LIN28B: variants seen among roughly 807,000 people sequenced by gnomAD.
LIN28B encodes lin-28 RNA binding posttranscriptional regulator B, also known as protein lin-28 homolog B.
Under a neutral mutation model 21.9 loss-of-function variants are expected in LIN28B, and 5 were observed. The ratio of observed to expected loss-of-function variants is 0.23; its 90% confidence interval spans 0.12 to 0.48. LIN28B has a LOEUF of 0.48. Among genes scored for constraint, LIN28B ranks in the 20% least tolerant of loss-of-function variants. The pLI is 0.98. For missense variants in LIN28B, 245 were observed against 310.5 expected (o/e 0.79, Z 1.58); for synonymous variants, 109 against 111.3 (o/e 0.98, Z 0.13).
At chr6:104,976,872 T>C (rs1200617451) in intron 2 of LIN28B, among the ~76,000 whole-genome samples, 1 of 152,214 alleles carries the variant, frequency 6.6e-6, no homozygotes, top group East Asian at 1.9e-4. Context: ...GGCAGGCTTA[T>C]ACTTTTTGTT....
intron 2 of LIN28B, among the ~76,000 whole-genome samples, chr6:104,945,702 A>G (rs755250282): frequency 6.6e-6 from 1 of 152,082 alleles, no homozygotes; most frequent in African/African-American, 2.4e-5. Flanking sequence ...TCGATTACAT[A>G]AAGTTATTAT....
intron 2 of LIN28B, among the ~76,000 whole-genome samples, chr6:104,995,683 A>T (rs1332083269): frequency 1.3e-5 from 2 of 152,226 alleles, no homozygotes; most frequent in African/African-American, 4.8e-5. Context: ...AGAAAGATAT[A>T]AATGTTTAGA....
intron 2 of LIN28B, among the ~76,000 whole-genome samples, chr6:104,978,147 G>T (rs527789546): frequency 5.3e-5 from 8 of 152,270 alleles, no homozygotes; most frequent in African/African-American, 1.9e-4. Flanking sequence ...ATAGTTTTGG[G>T]CTACTGCCCC....
intron 3 of LIN28B, among the ~76,000 whole-genome samples, chr6:105,030,698 G>A (rs1041066716): frequency 3.4e-5 from 5 of 148,332 alleles, no homozygotes; most frequent in Non-Finnish European, 7.4e-5. Context: ...CTGGGTTCAA[G>A]CAATTCTCCT....
chr6:104,950,245 TTAAAC>T lies in LIN28B; in HGVS notation c.19-213_19-209del, dbSNP rs1778205364. On this transcript the variant is annotated intron_variant, in intron 2 of 5. Transcript: ENST00000635857. ...TGGTCTTAAATGTTGTAAATGTTCT[TTAAAC>T]TAGTGTCCTCTACTAGATATAAAAG... Among the ~76,000 whole-genome samples the T allele has an allele frequency of 2.0e-5, 3 of 152,170 alleles. No homozygotes were observed. In the South Asian group the frequency reaches 6.2e-4, roughly 31 times the overall value.
intron 2 of LIN28B, among the ~76,000 whole-genome samples, chr6:104,994,922 T>C (rs1488608395): frequency 6.6e-6 from 1 of 152,188 alleles, no homozygotes; most frequent in African/African-American, 2.4e-5. Flanking sequence ...TCTTGCTGTA[T>C]TGCAGACTGA....
At chr6:105,040,276 A>G (rs1210545693) in intron 3 of LIN28B, among the ~76,000 whole-genome samples, 2 of 152,106 alleles carry the variant, frequency 1.3e-5, no homozygotes, top group Non-Finnish European at 2.9e-5. Context: ...TTTATCAGTC[A>G]TACATAACTA....
chr6:104,947,282 G>A (rs535581227), intron 2 of LIN28B, among the ~76,000 whole-genome samples: 8 of 152,032 alleles, frequency 5.3e-5, no homozygotes, highest in Middle Eastern at 3.4e-3. Flanking sequence ...GCACGACCAC[G>A]CCTGGCTAAT....
At chr6:105,019,905 T>C (rs764159646) in intron 2 of LIN28B, among the ~76,000 whole-genome samples, 8 of 152,132 alleles carry the variant, frequency 5.3e-5, no homozygotes, top group African/African-American at 9.7e-5. Context: ...AGTCAGTTTA[T>C]GCCTCCTAGA....
At chr6:104,998,042 T>C (rs1250482867) in intron 2 of LIN28B, among the ~76,000 whole-genome samples, 1 of 152,234 alleles carries the variant, frequency 6.6e-6, no homozygotes, top group African/African-American at 2.4e-5. Context: ...AATTAAGTCC[T>C]TTTGTTATCC....
intron 3 of LIN28B, among the ~76,000 whole-genome samples, chr6:105,051,024 AGACAAC>A (rs2114384997): frequency 6.6e-6 from 1 of 151,402 alleles, no homozygotes; most frequent in South Asian, 2.1e-4. Context: ...AGACCAGCCT[AGACAAC>A]CAAGCAAGAC....
chr6:105,047,982 C>T (rs1771806363), intron 3 of LIN28B, among the ~76,000 whole-genome samples: 1 of 152,156 alleles, frequency 6.6e-6, no homozygotes, highest in African/African-American at 2.4e-5. Flanking sequence ...AATTTGACTT[C>T]CTCTTTTCCT....
At position 105,081,952 on chromosome 6, in the gene LIN28B, C is replaced by G. The variant is rs1275194151; in HGVS notation, c.*3169C>G. On this transcript the variant is annotated 3_prime_UTR_variant, in exon 4 of 4. Transcript: ENST00000345080. ...TTGAGGGAAAAGGGTCTGTGTGAAG[C>G]ATCACTTTGCAGGGATTACTAATGG... 1 of 152,618 alleles carries G rather than the reference C, an allele frequency of 6.6e-6. No homozygotes were observed. The highest frequency in any genetic ancestry group is 1.5e-5 in the Non-Finnish European group (1 of 68,040). 9.5% of individuals were successfully genotyped at this position (152,618 alleles called of 1,614,324 possible).
At chr6:104,965,265 C>A (rs1250872596) in intron 2 of LIN28B, among the ~76,000 whole-genome samples, 1 of 152,204 alleles carries the variant, frequency 6.6e-6, no homozygotes, top group African/African-American at 2.4e-5. Context: ...CATGGTGGCT[C>A]ATGCCTGTAA....
intron 2 of LIN28B, among the ~76,000 whole-genome samples, chr6:104,947,588 G>T (rs1385984367): frequency 2.0e-5 from 3 of 151,836 alleles, no homozygotes; most frequent in African/African-American, 7.3e-5. Flanking sequence ...GTTTGTGATG[G>T]ATACTCTTTA....
intron 2 of LIN28B, among the ~76,000 whole-genome samples, chr6:105,011,983 C>A (rs1271626661): frequency 6.6e-6 from 1 of 152,022 alleles, no homozygotes; most frequent in Non-Finnish European, 1.5e-5. Context: ...CATGGTGAAA[C>A]CCCATCTCTA....
intron 2 of LIN28B, among the ~76,000 whole-genome samples, chr6:104,961,696 G>A (rs1200402458): frequency 6.6e-6 from 1 of 152,062 alleles, no homozygotes; most frequent in Non-Finnish European, 1.5e-5. Flanking sequence ...CACCGCGCCC[G>A]GCTTTAAGTC....
upstream of LIN28B, among the ~76,000 whole-genome samples, chr6:104,953,977 TG>T (rs1480193091): frequency 6.6e-6 from 1 of 152,220 alleles, no homozygotes; most frequent in Admixed American, 6.5e-5. Context: ...AAAAAAAGTC[TG>T]GGAAAACGTG....
At chr6:105,048,826 G>A (rs543700123) in intron 3 of LIN28B, among the ~76,000 whole-genome samples, 1 of 152,306 alleles carries the variant, frequency 6.6e-6, no homozygotes, top group South Asian at 2.1e-4. Context: ...AGTCTTCTCT[G>A]ATGGTAGTTT....
Sources: gnomAD v4.1 joint callset for allele counts (sites outside exome capture counted in the v4.1 genomes callset) on GRCh38, gnomAD v4.1.1 for gene constraint, MANE v1.5 for transcripts, NCBI Gene and HGNC (gene_info 2026-07-23, HGNC 2026-07-21) for gene names.